PDE6D: variants seen among roughly 807,000 people sequenced by gnomAD.
PDE6D encodes phosphodiesterase 6D, also known as retinal rod rhodopsin-sensitive cGMP 3',5'-cyclic phosphodiesterase subunit delta.
A neutral mutation model predicts 21.9 loss-of-function variants in PDE6D; 10 were observed. That is an observed-to-expected ratio of 0.46 (90% CI 0.28 to 0.78). The LOEUF (loss-of-function observed/expected upper bound fraction) is 0.78, where lower values mean the gene tolerates loss of function less well. Ranked by LOEUF, PDE6D falls within the 30% of genes least tolerant of loss-of-function variation. PDE6D has a pLI of 0.12. For missense variants in PDE6D, 139 were observed against 184.8 expected, an observed-to-expected ratio of 0.75 and a Z score of 1.44; for synonymous variants, 59 against 63.5, an observed-to-expected ratio of 0.93 and a Z score of 0.34.
chr2:231,764,446 T>C (rs796470625), intron 1 of PDE6D, among the ~76,000 whole-genome samples: 43 of 152,256 alleles, frequency 2.8e-4, no homozygotes, highest in African/African-American at 1.0e-3. Flanking sequence ...GCTTTGTAAA[T>C]AGTTATGGGG....
intron 1 of PDE6D, among the ~76,000 whole-genome samples, chr2:231,752,831 GTTTTTTT>G (rs778027978): frequency 8.4e-6 from 1 of 119,298 alleles, no homozygotes; most frequent in African/African-American, 3.3e-5. Context: ...AGAGATTTGA[GTTTTTTT>G]TTTTTTTTTT....
At chr2:231,763,264 T>C (rs2048945850) in intron 1 of PDE6D, among the ~76,000 whole-genome samples, 1 of 152,220 alleles carries the variant, frequency 6.6e-6, no homozygotes, top group South Asian at 2.1e-4. Flanking sequence ...AAGTTTGTTT[T>C]ACATGGAGGG....
At chr2:231,736,217 C>G (rs190508622) in intron 4 of PDE6D, among the ~76,000 whole-genome samples, 1 of 151,968 alleles carries the variant, frequency 6.6e-6, no homozygotes, top group Admixed American at 6.6e-5. Flanking sequence ...AACAAAAAAC[C>G]TTAAAGTCAA....
chr2:231,749,268 C>A (rs1226753758), intron 1 of PDE6D, among the ~76,000 whole-genome samples: 3 of 152,152 alleles, frequency 2.0e-5, no homozygotes, highest in Non-Finnish European at 4.4e-5. Flanking sequence ...GTTTGTGAGA[C>A]CTGGAGTCAA....
chr2:231,744,760 CATAAAA>C (rs2048779279), intron 1 of PDE6D, among the ~76,000 whole-genome samples: 2 of 152,046 alleles, frequency 1.3e-5, no homozygotes, highest in Non-Finnish European at 2.9e-5. Flanking sequence ...TTGGGAATCA[CATAAAA>C]ATATATTCTA....
At chr2:231,761,323 C>T (rs2106278962) in intron 1 of PDE6D, among the ~76,000 whole-genome samples, 1 of 152,250 alleles carries the variant, frequency 6.6e-6, no homozygotes, top group East Asian at 1.9e-4. Flanking sequence ...TACAAGGTGC[C>T]TGCCACCACG....
intron 1 of PDE6D, among the ~76,000 whole-genome samples, chr2:231,751,596 CAG>C (rs1173680294): frequency 6.6e-6 from 1 of 152,208 alleles, no homozygotes; most frequent in Non-Finnish European, 1.5e-5. Flanking sequence ...GAGAGATTCT[CAG>C]ACTTTCCTTG....
rs1181889379 is a variant in PDE6D, at chr2:231,781,248, C to A, written c.-134G>T. On this transcript the variant is annotated 5_prime_UTR_variant, in exon 1 of 5. Transcript: ENST00000287600. ...AGCAGCCGCAGCGGCCAGACCAGGACCGGCCTCTCTCTCCCCTCAGCTCCC... is the reference window on the plus strand; with the variant it reads ...AGCAGCCGCAGCGGCCAGACCAGGAACGGCCTCTCTCTCCCCTCAGCTCCC... 4 of 763,218 alleles carry A rather than the reference C, an allele frequency of 5.2e-6. No homozygotes were observed. Among genetic ancestry groups the A allele is most frequent in the Admixed American group, 2.4e-5 (1 of 42,482 alleles). 47.3% of individuals were successfully genotyped at this position (763,218 alleles called of 1,614,324 possible).
chr2:231,770,359 C>CT (rs1224867341), intron 1 of PDE6D, among the ~76,000 whole-genome samples: 4 of 152,120 alleles, frequency 2.6e-5, no homozygotes, highest in Admixed American at 1.3e-4. Context: ...TGGAAAATGT[C>CT]TTTTTTTCCT....
chr2:231,757,588 G>A (rs751399884), intron 1 of PDE6D, among the ~76,000 whole-genome samples: 7 of 152,074 alleles, frequency 4.6e-5, no homozygotes, highest in South Asian at 2.1e-4. Context: ...CACTGCGCTC[G>A]GCTAAACAGT....
At chr2:231,773,875 C>T (rs76608946) in intron 1 of PDE6D, among the ~76,000 whole-genome samples, 9,174 of 152,098 alleles carry the variant, frequency 0.06, 319 homozygotes, top group South Asian at 0.092. Context: ...AGAATGAAGG[C>T]ATTAGTTATA....
At chr2:231,745,945 G>A (rs1168776826) in intron 1 of PDE6D, among the ~76,000 whole-genome samples, 2 of 152,022 alleles carry the variant, frequency 1.3e-5, no homozygotes, top group Non-Finnish European at 2.9e-5. Flanking sequence ...TTAGATGAAC[G>A]GGGTACTAGG....
intron 1 of PDE6D, among the ~76,000 whole-genome samples, chr2:231,742,328 G>T (rs2048756232): frequency 2.0e-5 from 3 of 152,122 alleles, no homozygotes; most frequent in African/African-American, 7.2e-5. Context: ...TCTCCATGTT[G>T]TTCAGGCTGG....
At chr2:231,765,801 T>C (rs2048966795) in intron 1 of PDE6D, among the ~76,000 whole-genome samples, 1 of 152,214 alleles carries the variant, frequency 6.6e-6, no homozygotes, top group African/African-American at 2.4e-5. Flanking sequence ...TTGTGGCTTT[T>C]TTCTTCCTGT....
chr2:231,745,950 A>C (rs1006979356), intron 1 of PDE6D, among the ~76,000 whole-genome samples: 1 of 152,140 alleles, frequency 6.6e-6, no homozygotes, highest in African/African-American at 2.4e-5. Context: ...TGAACGGGGT[A>C]CTAGGTAAAT....
chr2:231,767,325 G>T (rs1574632791), intron 1 of PDE6D, among the ~76,000 whole-genome samples: 3 of 145,842 alleles, frequency 2.1e-5, no homozygotes, highest in African/African-American at 7.5e-5. Flanking sequence ...CATTATCCTT[G>T]TTTTTTTTTT....
At chr2:231,737,745 T>C in intron 3 of PDE6D, 1 of 404,250 alleles carries the variant, frequency 2.5e-6, no homozygotes, top group South Asian at 4.1e-5. Flanking sequence ...GCTTCCTCCA[T>C]GATCATATCA....
intron 1 of PDE6D, among the ~76,000 whole-genome samples, chr2:231,777,334 T>G (rs968684343): frequency 1.3e-5 from 2 of 152,188 alleles, no homozygotes; most frequent in Admixed American, 1.3e-4. Context: ...ATGCAGTATC[T>G]TTAAATTTTT....
chr2:231,749,068 C>T (rs556277132), intron 1 of PDE6D, among the ~76,000 whole-genome samples: 11 of 152,222 alleles, frequency 7.2e-5, no homozygotes, highest in Admixed American at 5.9e-4. Context: ...AGTGGAGCTG[C>T]GAGAAGAGGT....
Sources: allele counts gnomAD v4.1 joint callset (sites outside exome capture counted in the v4.1 genomes callset), GRCh38; gene constraint gnomAD v4.1.1; transcripts MANE v1.5; gene names NCBI Gene and HGNC (gene_info 2026-07-23, HGNC 2026-07-21).